The following DLG5 variants were observed in gnomAD, a reference collection of about 807,000 sequenced individuals.
DLG5 encodes the protein disks large homolog 5.
A neutral mutation model predicts 189.8 loss-of-function variants in DLG5; 48 were observed. That is an observed-to-expected ratio of 0.25 (90% CI 0.20 to 0.32). The LOEUF (loss-of-function observed/expected upper bound fraction) is 0.32. Ranked by LOEUF, DLG5 falls within the 10% of genes least tolerant of loss-of-function variation. The pLI is 1.00. For missense variants in DLG5, 2,160 were observed against 2,544.7 expected (o/e 0.85, Z 3.25); for synonymous variants, 1,016 against 1,054.1 (o/e 0.96, Z 0.70).
chr10:77,842,716 T>C (rs1451766441), intron 6 of DLG5, among the ~76,000 whole-genome samples: 6 of 152,182 alleles, frequency 3.9e-5, no homozygotes, highest in Non-Finnish European at 5.9e-5. Flanking sequence ...GTGTGCTCCA[T>C]AGACACCGGT....
chr10:77,822,164 G>A, intron 14 of DLG5, 63 bp from the exon 15 acceptor site: 7 of 1,544,026 alleles, frequency 4.5e-6, no homozygotes, highest in Non-Finnish European at 5.2e-6. Flanking sequence ...AGCTGCCACT[G>A]AAAACCATCC....
At chr10:77,813,552 G>A (rs1248624) in intron 20 of DLG5, among the ~76,000 whole-genome samples, 38,156 of 151,936 alleles carry the variant, frequency 0.25, 5,368 homozygotes, top group Admixed American at 0.38. Flanking sequence ...CTACACCCAC[G>A]GTCCCTTCCA....
intron 5 of DLG5, among the ~76,000 whole-genome samples, 165 bp from the exon 6 acceptor site, chr10:77,843,871 C>T (rs1247944987): frequency 6.6e-6 from 1 of 152,092 alleles, no homozygotes; most frequent in African/African-American, 2.4e-5. Flanking sequence ...TCTCCAGGCC[C>T]TGCAGTCACA....
At chr10:77,940,279 C>T in the DLG5 span, among the ~76,000 whole-genome samples, 1 of 152,216 alleles carries the variant, frequency 6.6e-6, no homozygotes, top group East Asian at 1.9e-4. Flanking sequence ...TTCTCCACTT[C>T]CCTGCCCACC....
At chr10:77,926,900 A>T, upstream of DLG5, 1 of 336,676 alleles carries the variant, frequency 3.0e-6, no homozygotes, top group Non-Finnish European at 6.1e-6. The surrounding 1 kb of genome is among the most constrained non-coding windows in gnomAD (Gnocchi z 5.2). Flanking sequence ...CCGCGAGAAA[A>T]CTCGCCCCGA....
chr10:77,900,478 C>A (rs1411927633), intron 1 of DLG5, among the ~76,000 whole-genome samples: 1 of 152,200 alleles, frequency 6.6e-6, no homozygotes, highest in East Asian at 1.9e-4. Context: ...CAGACCTTCA[C>A]CCCGGGGCCC....
chr10:77,920,231 C>G (rs1369658544), intron 1 of DLG5, among the ~76,000 whole-genome samples: 1 of 152,146 alleles, frequency 6.6e-6, no homozygotes, highest in African/African-American at 2.4e-5. Context: ...TCCATTTTTC[C>G]TACCATGGAT....
intron 1 of DLG5, among the ~76,000 whole-genome samples, chr10:77,924,049 G>A (rs1846614383): frequency 6.6e-6 from 1 of 152,036 alleles, no homozygotes; most frequent in South Asian, 2.1e-4. Flanking sequence ...ATTTTTATTA[G>A]AGACGGGGTT....
At chr10:77,898,712 G>A (rs1845837098) in intron 1 of DLG5, among the ~76,000 whole-genome samples, 1 of 152,196 alleles carries the variant, frequency 6.6e-6, no homozygotes, top group Non-Finnish European at 1.5e-5. Context: ...GAGGAAGTGG[G>A]CCCCTGCCCC....
intron 7 of DLG5, among the ~76,000 whole-genome samples, 171 bp from the exon 8 acceptor site, chr10:77,836,093 G>A (rs1843121391): frequency 1.3e-5 from 2 of 151,940 alleles, no homozygotes; most frequent in South Asian, 4.2e-4. Context: ...CCACAGCCAC[G>A]GTCCTATTAA....
chr10:77,881,208 C>A (rs1845270950), intron 1 of DLG5, among the ~76,000 whole-genome samples: 1 of 151,946 alleles, frequency 6.6e-6, no homozygotes, highest in Non-Finnish European at 1.5e-5. Flanking sequence ...CCTGACCAGA[C>A]CTCCTCCTTT....
chr10:77,841,107 G>A (rs1404849541), intron 7 of DLG5, among the ~76,000 whole-genome samples: 1 of 152,240 alleles, frequency 6.6e-6, no homozygotes, highest in Non-Finnish European at 1.5e-5. Flanking sequence ...CTGTGATCAA[G>A]TCTAGAAGCT....
chr10:77,919,729 C>A (rs893492963), intron 1 of DLG5, among the ~76,000 whole-genome samples: 5 of 151,878 alleles, frequency 3.3e-5, no homozygotes, highest in Non-Finnish European at 5.9e-5. Flanking sequence ...TGGCTCCTGG[C>A]AGCCAGCTCC....
intron 27 of DLG5, among the ~76,000 whole-genome samples, chr10:77,805,180 G>A (rs1841407243): frequency 6.6e-6 from 1 of 152,148 alleles, no homozygotes; most frequent in Non-Finnish European, 1.5e-5. Flanking sequence ...ATGTTGGCCA[G>A]GCTGGTCTTG....
intron 13 of DLG5, among the ~76,000 whole-genome samples, chr10:77,826,731 T>C (rs949174769): frequency 1.6e-4 from 24 of 152,326 alleles, no homozygotes; most frequent in Admixed American, 1.5e-3. Context: ...GTGGATCACC[T>C]GACGTCAGGA....
rs756977414 is a variant in DLG5, at chr10:77,822,035, T to C, written c.2449A>G (p.Met817Val). ...IFENIKDSDKMLSFRAHGPEV... is the reference protein window; with the variant it reads ...IFENIKDSDKVLSFRAHGPEV... ...GGGCCATGGGCTCGAAAACTCAGCA[T>C]CTTATCAGAGTCTTTGATATTTTCA... The change falls in exon 15 of 32, where the codon ATG becomes GTG. Residue 817 changes from methionine to valine, a missense_variant. Met to Val is a conservative substitution (Grantham distance 21). Transcript: ENST00000372391. 1.9e-6 allele frequency: 3 copies of C among 1,614,160 alleles called. No individual in the cohort carries two copies. Among genetic ancestry groups the C allele is most frequent in the Non-Finnish European group, 2.5e-6 (3 of 1,179,982 alleles).
intron 25 of DLG5, 123 bp downstream of exon 25, chr10:77,807,673 A>C: frequency 8.6e-7 from 1 of 1,159,820 alleles, no homozygotes; most frequent in South Asian, 1.5e-5. Flanking sequence ...GTGTCAAGGA[A>C]TGATGATCAT....
chr10:77,807,309 G>T (rs1194392333), intron 25 of DLG5, among the ~76,000 whole-genome samples: 1 of 152,186 alleles, frequency 6.6e-6, no homozygotes, highest in Non-Finnish European at 1.5e-5. Context: ...GAGACAGGGA[G>T]TTGTACCGCA....
intron 1 of DLG5, among the ~76,000 whole-genome samples, chr10:77,917,267 G>A (rs984172276): frequency 2.0e-5 from 3 of 151,976 alleles, no homozygotes; most frequent in African/African-American, 4.8e-5. Context: ...GCGTGAACCC[G>A]GGAGGCAGAG....
Sources: gnomAD v4.1 joint callset for allele counts (sites outside exome capture counted in the v4.1 genomes callset) on GRCh38, gnomAD v4.1.1 for gene constraint, Gnocchi (gnomAD v3.1) non-coding constraint, MANE v1.5 for transcripts, NCBI Gene and HGNC (gene_info 2026-07-23, HGNC 2026-07-21) for gene names.